ST7: variants seen among roughly 807,000 people sequenced by gnomAD.
ST7 encodes suppression of tumorigenicity 7.
ST7 carries 28 observed loss-of-function variants against 78.7 expected under a neutral mutation model. That is an observed-to-expected ratio of 0.36 (90% CI 0.26 to 0.49). The LOEUF (loss-of-function observed/expected upper bound fraction) is 0.49. ST7 is among the 20% of genes least tolerant of loss of function. ST7 has a pLI of 0.99. For missense variants in ST7, 418 were observed against 696.0 expected, an observed-to-expected ratio of 0.60 and a Z score of 4.49; for synonymous variants, 247 against 249.6, an observed-to-expected ratio of 0.99 and a Z score of 0.10.
chr7:117,117,750 G>A (rs995596040), intron 2 of ST7, among the ~76,000 whole-genome samples: 4 of 152,122 alleles, frequency 2.6e-5, no homozygotes, highest in Non-Finnish European at 4.4e-5. Context: ...GTAAATGGCA[G>A]CTTTGCTATT....
chr7:116,961,675 AT>A (rs1792836507), intron 1 of ST7, among the ~76,000 whole-genome samples: 1 of 150,020 alleles, frequency 6.7e-6, no homozygotes, highest in African/African-American at 2.5e-5. Context: ...AATGTTAGTG[AT>A]TTTTGCACAT....
chr7:117,084,027 T>G (rs1161555020), intron 1 of ST7, among the ~76,000 whole-genome samples: 1 of 152,226 alleles, frequency 6.6e-6, no homozygotes, highest in African/African-American at 2.4e-5. Flanking sequence ...GAGTCTGAGA[T>G]TCTAAATTCA....
intron 9 of ST7, among the ~76,000 whole-genome samples, chr7:117,150,227 G>A (rs1158743676): frequency 9.9e-5 from 15 of 152,138 alleles, no homozygotes; most frequent in Non-Finnish European, 2.2e-4. Context: ...GGCTTCTTCT[G>A]TGCCTCATGC....
chr7:117,053,185 C>T (rs555174052), intron 1 of ST7, among the ~76,000 whole-genome samples: 20 of 152,088 alleles, frequency 1.3e-4, no homozygotes, highest in Non-Finnish European at 2.4e-4. Context: ...ATTGTTTTAA[C>T]GAAACAAACT....
chr7:117,156,092 T>C (rs774630915), intron 9 of ST7, among the ~76,000 whole-genome samples: 1 of 152,220 alleles, frequency 6.6e-6, no homozygotes, highest in Non-Finnish European at 1.5e-5. Flanking sequence ...CCTGCTTTAC[T>C]TATTCTCCTC....
intron 3 of ST7, among the ~76,000 whole-genome samples, chr7:117,125,024 C>T (rs575425875): frequency 3.9e-4 from 60 of 152,236 alleles, no homozygotes; most frequent in South Asian, 2.3e-3. Flanking sequence ...AAGGACCTTT[C>T]GGGCTGCTCT....
chr7:117,019,181 T>C lies in ST7; in HGVS notation c.151+65490T>C, dbSNP rs895527318. Among the ~76,000 whole-genome samples the C allele has an allele frequency of 6.6e-5, 10 of 152,342 alleles. No individual in the cohort carries two copies. The East Asian group carries it at 1.9e-3, about 29-fold the overall frequency. ...ATGGGTGGAGAGGAGACTTGAACTATTGAACTTTCTACTATATATGATTTT... is the reference window on the plus strand; with the variant it reads ...ATGGGTGGAGAGGAGACTTGAACTACTGAACTTTCTACTATATATGATTTT... On this transcript the variant is annotated intron_variant, in intron 1 of 15. Transcript: ENST00000323984.
chr7:117,189,252 G>A (rs1274008020), intron 10 of ST7, 69 bp from the exon 11 acceptor site: 20 of 1,015,800 alleles, frequency 2.0e-5, no homozygotes, highest in Non-Finnish European at 2.7e-5. Context: ...TAAAATGCTA[G>A]TGTATTGAAA....
intron 1 of ST7, among the ~76,000 whole-genome samples, chr7:117,027,338 G>C (rs1428369902): frequency 6.6e-6 from 1 of 152,154 alleles, no homozygotes; most frequent in Non-Finnish European, 1.5e-5. Context: ...CACTGAGGAG[G>C]CTGAGGAAGG....
intron 1 of ST7, among the ~76,000 whole-genome samples, chr7:117,005,692 AAATTCTGCTCATG>A (rs1795126673): frequency 6.6e-6 from 1 of 152,186 alleles, no homozygotes; most frequent in Admixed American, 6.5e-5. Flanking sequence ...ACTTAAAAAT[AAATTCTGCTCATG>A]AAAAGTATGC....
At chr7:117,065,833 C>G (rs1417915506) in intron 1 of ST7, among the ~76,000 whole-genome samples, 1 of 152,168 alleles carries the variant, frequency 6.6e-6, no homozygotes, top group Non-Finnish European at 1.5e-5. Context: ...AGAATAAAAT[C>G]CAAAGTACTT....
chr7:117,005,234 AT>A (rs966350711), intron 1 of ST7, among the ~76,000 whole-genome samples: 48 of 151,804 alleles, frequency 3.2e-4, no homozygotes, highest in East Asian at 7.7e-4. Flanking sequence ...AAATAACTTA[AT>A]TTTTTTTTCT....
chr7:117,142,213 A>G (rs1332113699), intron 9 of ST7, among the ~76,000 whole-genome samples: 1 of 152,084 alleles, frequency 6.6e-6, no homozygotes, highest in Non-Finnish European at 1.5e-5. Flanking sequence ...CATAGGGCTG[A>G]TGACCATGGT....
chr7:117,071,679 C>T (rs147297489), intron 1 of ST7, among the ~76,000 whole-genome samples: 386 of 152,268 alleles, frequency 2.5e-3, no homozygotes, highest in Non-Finnish European at 4.1e-3. Flanking sequence ...CTGAGGAGTG[C>T]GGTAACTCAG....
chr7:117,051,711 G>C (rs1797800300), intron 1 of ST7, among the ~76,000 whole-genome samples: 1 of 152,210 alleles, frequency 6.6e-6, no homozygotes, highest in Non-Finnish European at 1.5e-5. Context: ...GGTCAAGGTG[G>C]AGAGAGAGGG....
intron 1 of ST7, among the ~76,000 whole-genome samples, chr7:117,058,910 C>T (rs1798203156): frequency 1.3e-5 from 2 of 152,206 alleles, no homozygotes; most frequent in East Asian, 1.9e-4. Context: ...GATGGAACTG[C>T]AGGTCATTAT....
At chr7:116,971,313 C>T (rs764347181) in intron 1 of ST7, among the ~76,000 whole-genome samples, 40 of 152,066 alleles carry the variant, frequency 2.6e-4, no homozygotes, top group Non-Finnish European at 4.6e-4. Flanking sequence ...AGCTTCAAAC[C>T]CAGAAAAGGG....
intron 13 of ST7, among the ~76,000 whole-genome samples, chr7:117,217,098 C>T (rs1179695195): frequency 6.6e-6 from 1 of 152,138 alleles, no homozygotes; most frequent in African/African-American, 2.4e-5. Flanking sequence ...CTCTCAAGAT[C>T]TTGCACTCCT....
chr7:117,130,689 T>C lies in ST7; in HGVS notation c.565+83T>C, dbSNP rs1436768446. The C allele has an allele frequency of 1.1e-5, 10 of 911,408 alleles. No homozygotes were observed. The East Asian group carries it at 2.3e-4, about 21-fold the overall frequency. 56.5% of individuals were successfully genotyped at this position (911,408 alleles called of 1,614,324 possible). ...ATTTCTGCTTTTAGAATATCCACTC[T>C]GTAAAACTCCAATGAATAAAATATT... On this transcript the variant is annotated intron_variant, in intron 5 of 15. Coordinates refer to ENST00000323984, the MANE Select transcript of ST7 (RefSeq NM_001369598.1).
Sources: allele counts gnomAD v4.1 joint callset (sites outside exome capture counted in the v4.1 genomes callset), GRCh38; gene constraint gnomAD v4.1.1; transcripts MANE v1.5; gene names NCBI Gene and HGNC (gene_info 2026-07-23, HGNC 2026-07-21).